Variants in SHOX2 observed in about 807,000 individuals in gnomAD.
SHOX2 encodes short stature homeobox protein 2.
In SHOX2, 13 loss-of-function variants were observed where a neutral mutation model predicts 31.3. The observed-to-expected ratio is 0.42, with a 90% CI of 0.27 to 0.66. The LOEUF is 0.66. Among genes scored for constraint, SHOX2 ranks in the 30% least tolerant of loss-of-function variants. The pLI, the probability that SHOX2 is intolerant of heterozygous loss-of-function variation, is 0.27. For synonymous variants in SHOX2, 244 were observed against 196.2 expected (o/e 1.24, Z -2.04); for missense variants, 473 against 443.0 (o/e 1.07, Z -0.61).
At position 158,097,045 on chromosome 3, in the gene SHOX2, T is replaced by G. The variant is rs1168722932; in HGVS notation, c.*982A>C. 4 of 149,218 alleles carry G rather than the reference T, an allele frequency of 2.7e-5. No individual in the cohort carries two copies. The highest frequency in any genetic ancestry group is 4.5e-5 in the Non-Finnish European group (3 of 67,266). 9.2% of individuals were successfully genotyped at this position (149,218 alleles called of 1,614,324 possible). A position where few individuals can be genotyped will look rare whatever the true frequency, so the allele number is the denominator to read the frequency against. ...AGTGAGTGCATGGGAGATAAGGGGG[T>G]GGGAGGAGACACACCATCAATGGAA... On this transcript the variant is annotated 3_prime_UTR_variant, in exon 5 of 5. Coordinates refer to ENST00000483851, the MANE Select transcript of SHOX2 (RefSeq NM_001163678.2).
chr3:158,099,832 A>T, intron 4 of SHOX2, 28 bp downstream of exon 4: 1 of 1,555,592 alleles, frequency 6.4e-7, no homozygotes, highest in Non-Finnish European at 8.9e-7. Flanking sequence ...TCATATTTAA[A>T]AACAGCTTGA....
intron 1 of SHOX2, chr3:158,105,114 G>C: frequency 2.6e-6 from 4 of 1,533,986 alleles, no homozygotes; most frequent in Non-Finnish European, 3.5e-6. Context: ...CTCAGCTTTC[G>C]TTGGCTTCCT....
At position 158,106,026 on chromosome 3, in the gene SHOX2, G is replaced by T. The variant is rs746488952; in HGVS notation, c.-2C>A. On this transcript the variant is annotated 5_prime_UTR_variant, in exon 1 of 5. Transcript: ENST00000483851. ...GACGAACGCCGTAAGTTCTTCCATCGCCGCCGCACGTCAGCCCGGCGCTCA... is the reference window on the plus strand; with the variant it reads ...GACGAACGCCGTAAGTTCTTCCATCTCCGCCGCACGTCAGCCCGGCGCTCA... 23 of 1,609,652 alleles carry T rather than the reference G, an allele frequency of 1.4e-5. No homozygotes were observed. The highest frequency in any genetic ancestry group is 2.0e-5 in the Non-Finnish European group (23 of 1,179,336).
chr3:158,105,645 G>A lies in SHOX2; in HGVS notation c.346+34C>T, dbSNP rs535383277. On this transcript the variant is annotated intron_variant, in intron 1 of 4. Transcript: ENST00000483851. ...CGAGAGGAGTCCGGAAGGCGGGAAG[G>A]GGAACCGCTGCCGGGGGTCAGTCAG... is the stretch of plus-strand genomic sequence containing the variant. 4.0e-4 allele frequency: 605 copies of A among 1,501,736 alleles called. 2 individuals carry two copies. The African/African-American group carries it at 8.0e-3, about 20-fold the overall frequency. 93.0% of individuals were successfully genotyped at this position (1,501,736 alleles called of 1,614,324 possible).
Position 158,102,880 on chromosome 3 carries a change from G to A in SHOX2, c.353C>T (p.Pro118Leu), listed in dbSNP as rs763913879. 12 of 1,613,532 alleles carry A rather than the reference G, an allele frequency of 7.4e-6. No individual in the cohort carries two copies. Among genetic ancestry groups the A allele is most frequent in the Non-Finnish European group, 9.3e-6 (11 of 1,179,918 alleles). The change falls in exon 2 of 5, where the codon CCG becomes CTG. Residue 118 changes from proline (P) to leucine (L), a missense_variant. Coordinates refer to ENST00000483851, the MANE Select transcript of SHOX2 (RefSeq NM_001163678.2). ...ATCCTCTTTGCGATCTTTCAGCTCC[G>A]GGGACACTGGAGGGGGCACCCCAGC... ...PGSPRLTEVS[P>L]ELKDRKEDAK...
chr3:158,100,015 G>T (rs1713392324), intron 3 of SHOX2, 67 bp from the exon 4 acceptor site: 2 of 1,346,504 alleles, frequency 1.5e-6, no homozygotes, highest in Admixed American at 1.8e-5. Flanking sequence ...GGTTCCAAAG[G>T]GTACAAGACA....
At chr3:158,105,173 T>C (rs1713806921) in intron 1 of SHOX2, 1 of 1,233,714 alleles carries the variant, frequency 8.1e-7, no homozygotes, top group Admixed American at 2.0e-5. Context: ...ATCCAAAGAT[T>C]CAGGGGCTCT....
At chr3:158,104,953 T>C in intron 1 of SHOX2, 1 of 723,588 alleles carries the variant, frequency 1.4e-6, no homozygotes, top group South Asian at 1.6e-5. Context: ...CAAAGGATTT[T>C]TGCTCTAAGA....
chr3:158,096,399 A>G lies in SHOX2; in HGVS notation c.*1628T>C, dbSNP rs1230197533. 2 of 144,954 alleles carry G rather than the reference A, an allele frequency of 1.4e-5. No homozygotes were observed. Among genetic ancestry groups the G allele is most frequent in the East Asian group, 4.5e-4 (2 of 4,450 alleles). 9.0% of individuals were successfully genotyped at this position (144,954 alleles called of 1,614,324 possible). The stretch of plus-strand genomic sequence containing the variant: ...TTAAATAGCTACATGAATTGAAACA[A>G]ACAACCAAAAGAAAAAAAAAAACAA... On this transcript the variant is annotated 3_prime_UTR_variant, in exon 5 of 5. Coordinates refer to ENST00000483851, the MANE Select transcript of SHOX2 (RefSeq NM_001163678.2).
intron 2 of SHOX2, among the ~76,000 whole-genome samples, chr3:158,102,391 G>A (rs752546053): frequency 2.0e-5 from 3 of 151,556 alleles, no homozygotes; most frequent in African/African-American, 7.3e-5. Context: ...CCACATTAAA[G>A]CCAGTGCGAG....
At chr3:158,100,182 C>A in intron 3 of SHOX2, 72 bp downstream of exon 3, 2 of 1,275,610 alleles carry the variant, frequency 1.6e-6, no homozygotes, top group South Asian at 2.7e-5. Flanking sequence ...TTTTTTCTGT[C>A]ATTGTAATAG....
chr3:158,105,794 A>G lies in SHOX2; in HGVS notation c.231T>C (p.Gly77=), dbSNP rs1426655508. Residue 77 remains glycine, a synonymous_variant, in exon 1 of 5, where the codon GGT becomes GGC. Coordinates refer to ENST00000483851, the MANE Select transcript of SHOX2 (RefSeq NM_001163678.2). ...CTCCGCCTGCTCCTCCTCCTCCTAC[A>G]CCTCCTCCGCCTCCTCCGCCGCCGC... ...GGGGGGGGGG[G]VGGGGAGGGA... 3 of 1,442,014 alleles carry G rather than the reference A, an allele frequency of 2.1e-6. No homozygotes were observed. Among genetic ancestry groups the G allele is most frequent in the Non-Finnish European group, 2.7e-6 (3 of 1,098,912 alleles). 89.3% of individuals were successfully genotyped at this position (1,442,014 alleles called of 1,614,324 possible).
At position 158,100,330 on chromosome 3, in the gene SHOX2, A is replaced by T. The variant is rs886147130; in HGVS notation, c.556-19T>A. 1 of 1,570,484 alleles carries T rather than the reference A, an allele frequency of 6.4e-7. No individual in the cohort carries two copies. Among genetic ancestry groups the T allele is most frequent in the African/African-American group, 1.4e-5 (1 of 72,304 alleles). ...ACCAAACCTATAGGTTGGAGGGGGA[A>T]AAAAAATAAAACCTAGATGTTATGA... is the stretch of plus-strand genomic sequence containing the variant. On this transcript the variant is annotated intron_variant, in intron 2 of 4. Coordinates refer to ENST00000483851, the MANE Select transcript of SHOX2 (RefSeq NM_001163678.2).
At chr3:158,099,106 G>A (rs1713317719) in intron 4 of SHOX2, among the ~76,000 whole-genome samples, 1 of 152,174 alleles carries the variant, frequency 6.6e-6, no homozygotes, top group Non-Finnish European at 1.5e-5. Context: ...TGGAGACTGA[G>A]AGCTAATTCA....
In SHOX2 at chr3:158,105,736, G is replaced by C. The variant is rs1028129672; in HGVS notation, c.289C>G (p.Leu97Val). 54 of 1,523,012 alleles carry C rather than the reference G, an allele frequency of 3.5e-5. No individual in the cohort carries two copies. The highest frequency in any genetic ancestry group is 6.1e-5 in the Admixed American group (3 of 48,934). 94.3% of individuals were successfully genotyped at this position (1,523,012 alleles called of 1,614,324 possible). Reference protein sequence around the residue: ...AGGGRSPVRELDMGAAERSRE... With the variant: ...AGGGRSPVREVDMGAAERSRE... ...CTTCTCTCGGCGGCGCCCATGTCCAGCTCCCGGACGGGAGAGCGCCCTCCT... is the reference window on the plus strand; with the variant it reads ...CTTCTCTCGGCGGCGCCCATGTCCACCTCCCGGACGGGAGAGCGCCCTCCT... Residue 97 changes from leucine to valine, a missense_variant, in exon 1 of 5, where the codon CTG (leucine) becomes GTG (valine). This residue lies in a region of SHOX2 where 276 missense variants were observed against 230.0 expected (regional missense o/e 1.20). Coordinates refer to ENST00000483851, the MANE Select transcript of SHOX2 (RefSeq NM_001163678.2).
chr3:158,105,101 G>T, intron 1 of SHOX2: 1 of 1,526,746 alleles, frequency 6.5e-7, no homozygotes, highest in Non-Finnish European at 8.8e-7. Context: ...GCGTAGCCTG[G>T]ACCTCAGCTT....
chr3:158,103,544 C>G, intron 1 of SHOX2: 1 of 154,194 alleles, frequency 6.5e-6, no homozygotes, highest in East Asian at 1.9e-4. Flanking sequence ...CCAAACCCTG[C>G]ATAAGGTCCC....
intron 4 of SHOX2, among the ~76,000 whole-genome samples, chr3:158,098,773 T>C (rs1578073188): frequency 6.6e-6 from 1 of 152,214 alleles, no homozygotes; most frequent in East Asian, 1.9e-4. Flanking sequence ...GAGTCGGTAC[T>C]TCTAACCTTT....
rs1713858346 is a variant in SHOX2 at position 158,105,700 on chromosome 3, C to G, written c.325G>C (p.Gly109Arg). 2 of 1,524,608 alleles carry G rather than the reference C, an allele frequency of 1.3e-6. No individual in the cohort carries two copies. Among genetic ancestry groups the G allele is most frequent in the African/African-American group, 1.4e-5 (1 of 70,186 alleles). The allele number at this position is 1,524,608 out of a possible 1,614,324, so 94.4% of individuals were successfully genotyped here. A position where few individuals can be genotyped will look rare whatever the true frequency, so the allele number is the denominator to read the frequency against. Residue 109 changes from glycine (G) to arginine (R), a missense_variant, in exon 1 of 5, where the codon GGC (glycine) becomes CGC (arginine). Around this residue, in one of 3 missense-constraint regions of SHOX2, gnomAD observed 276 missense variants for 230.0 expected, o/e 1.20. Coordinates refer to ENST00000483851, the MANE Select transcript of SHOX2 (RefSeq NM_001163678.2). ...TTACCCTCCGTCAGTCGCGGGCTGC[C>G]CGGCTCCCTGCTTCTCTCGGCGGCG... ...MGAAERSREP[G>R]SPRLTEVSPE...
Sources: gnomAD v4.1 joint callset for allele counts (sites outside exome capture counted in the v4.1 genomes callset) on GRCh38, gnomAD v4.1.1 for gene constraint, gnomAD v4.1.1 regional missense constraint, MANE v1.5 for transcripts, NCBI Gene and HGNC (gene_info 2026-07-23, HGNC 2026-07-21) for gene names.